Variants in CHIC2 observed in about 807,000 individuals in gnomAD.
CHIC2 encodes the protein cysteine-rich hydrophobic domain-containing protein 2.
CHIC2 carries 14 observed loss-of-function variants against 25.9 expected under a neutral mutation model. That is an observed-to-expected ratio of 0.54 (90% CI 0.36 to 0.85). The LOEUF (loss-of-function observed/expected upper bound fraction) is 0.85, where lower values mean the gene tolerates loss of function less well. Ranked by LOEUF, CHIC2 falls within the 40% of genes least tolerant of loss-of-function variation. CHIC2 has a pLI of 0.01. For synonymous variants in CHIC2, 70 were observed against 72.0 expected, an observed-to-expected ratio of 0.97 and a Z score of 0.14; for missense variants, 146 against 202.0, an observed-to-expected ratio of 0.72 and a Z score of 1.68.
chr4:54,030,136 T>C (rs1157899849), intron 3 of CHIC2, among the ~76,000 whole-genome samples: 2 of 152,168 alleles, frequency 1.3e-5, no homozygotes, highest in Non-Finnish European at 2.9e-5. Flanking sequence ...AATACAGGCA[T>C]CTTAGCAAAG....
Position 54,010,074 on chromosome 4 carries a change from T to C in CHIC2, c.*21A>G, listed in dbSNP as rs776643983. On this transcript the variant is annotated 3_prime_UTR_variant, in exon 6 of 6. Coordinates refer to ENST00000263921, the MANE Select transcript of CHIC2 (RefSeq NM_012110.4). ...TTGGAAAGACAACATACTTGGAAAGTCTCTATAAATAAAGTAAATGCTAAT... is the reference window on the plus strand; with the variant it reads ...TTGGAAAGACAACATACTTGGAAAGCCTCTATAAATAAAGTAAATGCTAAT... 3.8e-6 allele frequency: 6 copies of C among 1,559,390 alleles called. No individual in the cohort carries two copies. The African/African-American group carries it at 8.2e-5, about 21-fold the overall frequency.
intron 3 of CHIC2, among the ~76,000 whole-genome samples, chr4:54,035,478 C>T (rs1182547525): frequency 6.6e-6 from 1 of 152,050 alleles, no homozygotes; most frequent in African/African-American, 2.4e-5. Context: ...TTTTGTTTTT[C>T]AAGGAATTTG....
chr4:54,028,804 T>A (rs1265185724), intron 3 of CHIC2, among the ~76,000 whole-genome samples: 2 of 152,224 alleles, frequency 1.3e-5, no homozygotes, highest in East Asian at 3.8e-4. Context: ...AGTGTTTCTA[T>A]CTTAAATTAC....
rs561522700 is a variant in CHIC2 at position 54,009,963 on chromosome 4, AAC to A, written c.*130_*131del. The stretch of plus-strand genomic sequence containing the variant: ...AGAACATGCGGTTATTTAAAAAAAA[AAC>A]AAAAACAAAAACAAAAAAAACACCA... On this transcript the variant is annotated 3_prime_UTR_variant, in exon 6 of 6. Transcript: ENST00000263921. 13,068 of 430,214 alleles carry A rather than the reference AAC, an allele frequency of 0.03. 42 individuals are homozygous for A. The highest frequency in any genetic ancestry group is 0.051 in the South Asian group (1,175 of 22,990). 26.6% of individuals were successfully genotyped at this position (430,214 alleles called of 1,614,324 possible). A position where few individuals can be genotyped will look rare whatever the true frequency, so the allele number is the denominator to read the frequency against.
chr4:54,012,123 A>AT (rs1560379498), intron 5 of CHIC2, among the ~76,000 whole-genome samples: 2 of 151,208 alleles, frequency 1.3e-5, no homozygotes, highest in South Asian at 2.1e-4. Context: ...GCTTATTATT[A>AT]TTTTTTTTAA....
At chr4:54,030,537 A>ATATAT (rs1479976034) in intron 3 of CHIC2, among the ~76,000 whole-genome samples, 1 of 139,854 alleles carries the variant, frequency 7.2e-6, no homozygotes, top group Admixed American at 7.1e-5. Context: ...AAAAAAAAAA[A>ATATAT]ATATATATAT....
chr4:54,014,640 C>T (rs936138929), intron 3 of CHIC2, among the ~76,000 whole-genome samples: 1 of 152,032 alleles, frequency 6.6e-6, no homozygotes, highest in African/African-American at 2.4e-5. Context: ...GATTATTCTA[C>T]CAATAGATTT....
intron 3 of CHIC2, among the ~76,000 whole-genome samples, chr4:54,016,255 C>A (rs1235030027): frequency 6.6e-6 from 1 of 151,906 alleles, no homozygotes; most frequent in East Asian, 1.9e-4. Flanking sequence ...AATGTAGTTA[C>A]CACCATCATT....
At chr4:54,079,607 A>G in the CHIC2 span, among the ~76,000 whole-genome samples, 1 of 152,126 alleles carries the variant, frequency 6.6e-6, no homozygotes, top group Admixed American at 6.5e-5. Flanking sequence ...TAGGCAAAGG[A>G]CCAGAATAGA....
chr4:54,039,709 C>G (rs943883689), intron 3 of CHIC2, among the ~76,000 whole-genome samples: 1 of 152,148 alleles, frequency 6.6e-6, no homozygotes, highest in Non-Finnish European at 1.5e-5. Flanking sequence ...AATCCCCTTC[C>G]TAAAAATGAA....
At chr4:54,087,740 G>A in the CHIC2 span, 2 of 507,834 alleles carry the variant, frequency 3.9e-6, no homozygotes, top group Non-Finnish European at 7.1e-6. Flanking sequence ...TTTACTGGCG[G>A]TGATTACAAA....
Position 54,064,176 on chromosome 4 carries a change from C to T in CHIC2, c.119+6G>A, listed in dbSNP as rs1717429498. 1 of 1,599,930 alleles carries T rather than the reference C, an allele frequency of 6.3e-7. No individual in the cohort carries two copies. The highest frequency in any genetic ancestry group is 1.3e-5 in the African/African-American group (1 of 74,790). ...CCTCCCGCCCTCGCCCTCCTCCGGG[C>T]CTTACACGGTGACGTGACCGGAGCC... On this transcript the variant is annotated splice_donor_region_variant and intron_variant, in intron 1 of 5. Coordinates refer to ENST00000263921, the MANE Select transcript of CHIC2 (RefSeq NM_012110.4). This position sits in a 1 kb window ranked among gnomAD's most constrained non-coding sequence, Gnocchi z 4.2.
upstream of CHIC2, among the ~76,000 whole-genome samples, chr4:54,065,135 A>G (rs1037329078): frequency 6.6e-6 from 1 of 152,142 alleles, no homozygotes; most frequent in Non-Finnish European, 1.5e-5. Context: ...CACTGCAAAC[A>G]TTTGTGCTCA....
At chr4:54,084,326 T>C in the CHIC2 span, among the ~76,000 whole-genome samples, 105 of 152,304 alleles carry the variant, frequency 6.9e-4, no homozygotes, top group African/African-American at 2.5e-3. Context: ...GCCTTATATT[T>C]AAAAGTAGCC....
chr4:54,044,225 A>C (rs1031414936), intron 3 of CHIC2, among the ~76,000 whole-genome samples: 1 of 152,324 alleles, frequency 6.6e-6, no homozygotes, highest in East Asian at 1.9e-4. Context: ...CCCCACTGTC[A>C]ACATTAGACA....
chr4:54,064,782 GCTT>G, upstream of CHIC2: 5 of 421,692 alleles, frequency 1.2e-5, no homozygotes, highest in Non-Finnish European at 1.6e-5. The surrounding 1 kb of genome is among the most constrained non-coding windows in gnomAD (Gnocchi z 4.2). Flanking sequence ...TCTTTCCTCT[GCTT>G]CTACCCGCAG....
chr4:54,045,630 G>C (rs1285048784), intron 3 of CHIC2, among the ~76,000 whole-genome samples: 5 of 151,892 alleles, frequency 3.3e-5, no homozygotes, highest in African/African-American at 9.7e-5. Flanking sequence ...CAATAAATTA[G>C]GTATTGATGG....
At chr4:54,052,433 T>C (rs1717029545) in intron 1 of CHIC2, among the ~76,000 whole-genome samples, 1 of 152,182 alleles carries the variant, frequency 6.6e-6, no homozygotes, top group Non-Finnish European at 1.5e-5. Context: ...TTTTTATATA[T>C]GGTAAAAATA....
chr4:54,073,913 T>C, the CHIC2 span, among the ~76,000 whole-genome samples: 47 of 152,170 alleles, frequency 3.1e-4, no homozygotes, highest in African/African-American at 1.1e-3. Flanking sequence ...TCCCAGCACT[T>C]TGGGAGGCTG....
Sources: allele counts gnomAD v4.1 joint callset (sites outside exome capture counted in the v4.1 genomes callset), GRCh38; gene constraint gnomAD v4.1.1; non-coding constraint Gnocchi (gnomAD v3.1); transcripts MANE v1.5; gene names NCBI Gene and HGNC (gene_info 2026-07-23, HGNC 2026-07-21).